The following SEMA5A variants were observed in gnomAD, a reference collection of about 807,000 sequenced individuals.
SEMA5A encodes semaphorin 5A, also known as semaphorin-5A.
Under a neutral mutation model 135.5 loss-of-function variants are expected in SEMA5A, and 55 were observed. The observed-to-expected ratio is 0.41, with a 90% CI of 0.33 to 0.51. The LOEUF (loss-of-function observed/expected upper bound fraction) is 0.51. Ranked by LOEUF, SEMA5A falls within the 20% of genes least tolerant of loss-of-function variation. The pLI, the probability that SEMA5A is intolerant of heterozygous loss-of-function variation, is 0.37. For missense variants in SEMA5A, 1,290 were observed against 1,419.9 expected (o/e 0.91, Z 1.47); for synonymous variants, 580 against 546.5 (o/e 1.06, Z -0.85).
intron 11 of SEMA5A, among the ~76,000 whole-genome samples, chr5:9,185,912 C>CATGTGGGACTGCGAGGA (rs1744780890): frequency 6.6e-6 from 1 of 152,148 alleles, no homozygotes; most frequent in South Asian, 2.1e-4. Context: ...ACCAGGAGTG[C>CATGTGGGACTGCGAGGA]ATGTGGGACT....
At chr5:9,265,753 C>G (rs1354029871) in intron 5 of SEMA5A, among the ~76,000 whole-genome samples, 1 of 152,188 alleles carries the variant, frequency 6.6e-6, no homozygotes, top group African/African-American at 2.4e-5. Context: ...CACTGCAAGG[C>G]TGCTTTCTCC....
At chr5:9,525,126 C>T (rs1269872871) in intron 1 of SEMA5A, among the ~76,000 whole-genome samples, 1 of 152,214 alleles carries the variant, frequency 6.6e-6, no homozygotes, top group African/African-American at 2.4e-5. Context: ...TAAGCCAAAT[C>T]TGGCCCACTG....
chr5:9,097,633 G>C (rs189207366), intron 16 of SEMA5A, among the ~76,000 whole-genome samples: 7 of 152,176 alleles, frequency 4.6e-5, no homozygotes, highest in Non-Finnish European at 1.0e-4. Flanking sequence ...CATTGAATGA[G>C]CAGAGCTAAT....
chr5:9,482,435 G>A (rs10213926), intron 1 of SEMA5A, among the ~76,000 whole-genome samples: 11,699 of 152,156 alleles, frequency 0.077, 489 homozygotes, highest in South Asian at 0.099. Context: ...ATTACCTAGA[G>A]TGAGCATACC....
At chr5:9,384,591 G>C (rs805149) in intron 2 of SEMA5A, among the ~76,000 whole-genome samples, 23,669 of 103,248 alleles carry the variant, frequency 0.23, 3,546 homozygotes, top group Middle Eastern at 0.28. Flanking sequence ...TAGATAGATA[G>C]ATAGATAGAT....
intron 1 of SEMA5A, among the ~76,000 whole-genome samples, chr5:9,524,224 G>A (rs1481296081): frequency 2.0e-5 from 3 of 152,146 alleles, no homozygotes; most frequent in African/African-American, 7.2e-5. Flanking sequence ...TAAGTTTCCT[G>A]AGGCCTCCCC....
intron 1 of SEMA5A, among the ~76,000 whole-genome samples, chr5:9,464,486 C>T (rs189173941): frequency 4.6e-5 from 7 of 152,308 alleles, no homozygotes; most frequent in East Asian, 1.9e-4. Context: ...AGTTTACTCA[C>T]GTACCCCTTT....
intron 1 of SEMA5A, among the ~76,000 whole-genome samples, chr5:9,501,372 CAT>C (rs998233673): frequency 7.9e-5 from 12 of 152,290 alleles, no homozygotes; most frequent in African/African-American, 2.4e-5. Context: ...TCAACATATA[CAT>C]ATGTGTCTAC....
chr5:9,375,259 G>A (rs1203644074), intron 3 of SEMA5A, among the ~76,000 whole-genome samples: 3 of 152,118 alleles, frequency 2.0e-5, no homozygotes, highest in Admixed American at 6.5e-5. Context: ...GAATGTGACC[G>A]TATTTGGAAA....
intron 4 of SEMA5A, 143 bp from the exon 5 acceptor site, chr5:9,318,560 C>T (rs2150668664): frequency 1.5e-6 from 1 of 662,164 alleles, no homozygotes; most frequent in Admixed American, 2.9e-5. Context: ...CACTACTTTC[C>T]TTGGATCTTA....
chr5:9,057,082 C>T (rs1352972940), intron 18 of SEMA5A, among the ~76,000 whole-genome samples: 1 of 152,136 alleles, frequency 6.6e-6, no homozygotes, highest in Non-Finnish European at 1.5e-5. Flanking sequence ...TAGTCAAACT[C>T]ATAGAAGCAG....
chr5:9,247,226 G>T (rs1471562456), intron 5 of SEMA5A, among the ~76,000 whole-genome samples: 1 of 152,102 alleles, frequency 6.6e-6, no homozygotes, highest in Non-Finnish European at 1.5e-5. Flanking sequence ...TTGTGATTTT[G>T]TGTGTTAGAT....
In SEMA5A at chr5:9,352,824, T is replaced by C. The variant is rs185257218; in HGVS notation, c.125-15012A>G. Among the ~76,000 whole-genome samples the C allele has an allele frequency of 2.1e-4, 32 of 152,258 alleles. No individual in the cohort carries two copies. The East Asian group carries it at 6.2e-3, about 29-fold the overall frequency. On this transcript the variant is annotated intron_variant, in intron 3 of 22. Coordinates refer to ENST00000382496, the MANE Select transcript of SEMA5A (RefSeq NM_003966.3). ...AACACAGCCATGCCCATTGTTTACATATGTTCTATGGCTGGATTTGTGCTA... is the reference window on the plus strand; with the variant it reads ...AACACAGCCATGCCCATTGTTTACACATGTTCTATGGCTGGATTTGTGCTA...
At chr5:9,120,308 A>C (rs887138073) in intron 14 of SEMA5A, among the ~76,000 whole-genome samples, 4 of 152,136 alleles carry the variant, frequency 2.6e-5, no homozygotes, top group African/African-American at 9.7e-5. Flanking sequence ...GGAGGTCAAC[A>C]ACTATGCCAC....
chr5:9,421,106 G>C (rs1348930193), intron 2 of SEMA5A, among the ~76,000 whole-genome samples: 3 of 152,146 alleles, frequency 2.0e-5, no homozygotes, highest in Non-Finnish European at 4.4e-5. Flanking sequence ...CCATTTCTTT[G>C]AACTTATTTC....
intron 1 of SEMA5A, among the ~76,000 whole-genome samples, chr5:9,485,153 C>T (rs1734627345): frequency 1.3e-5 from 2 of 151,848 alleles, no homozygotes; most frequent in South Asian, 2.1e-4. Context: ...CCAGGGGAAA[C>T]ATGTGTGGAG....
chr5:9,263,761 G>A (rs1453067650), intron 5 of SEMA5A, among the ~76,000 whole-genome samples: 2 of 152,126 alleles, frequency 1.3e-5, no homozygotes, highest in Non-Finnish European at 2.9e-5. Context: ...TATCCTCATC[G>A]ATCACATTTA....
At chr5:9,280,050 G>A (rs1561102094) in intron 5 of SEMA5A, among the ~76,000 whole-genome samples, 1 of 152,182 alleles carries the variant, frequency 6.6e-6, no homozygotes, top group Non-Finnish European at 1.5e-5. Context: ...ATGAGTGTCT[G>A]AGGGACAGGA....
intron 14 of SEMA5A, among the ~76,000 whole-genome samples, chr5:9,121,697 C>T (rs975184049): frequency 6.7e-6 from 1 of 148,374 alleles, no homozygotes; most frequent in Non-Finnish European, 1.5e-5. Flanking sequence ...TAATACAAAA[C>T]AAAACAAAAA....
Sources: allele counts gnomAD v4.1 joint callset (sites outside exome capture counted in the v4.1 genomes callset), GRCh38; gene constraint gnomAD v4.1.1; transcripts MANE v1.5; gene names NCBI Gene and HGNC (gene_info 2026-07-23, HGNC 2026-07-21).